The following GJA5 variants were observed in gnomAD, a reference collection of about 807,000 sequenced individuals.
GJA5 encodes the protein gap junction protein alpha 5.
GJA5 carries 3 observed loss-of-function variants against 7.9 expected under a neutral mutation model. The ratio of observed to expected loss-of-function variants is 0.38; its 90% CI spans 0.17 to 0.99. The LOEUF is 0.99. GJA5 is among the 50% of genes least tolerant of loss of function. The pLI is 0.38. For synonymous variants in GJA5, 193 were observed against 181.0 expected, an observed-to-expected ratio of 1.07 and a Z score of -0.53; for missense variants, 390 against 457.9, an observed-to-expected ratio of 0.85 and a Z score of 1.35.
chr1:147,772,392 T>C (rs791288), intron 1 of GJA5, among the ~76,000 whole-genome samples: 2,879 of 152,288 alleles, frequency 0.019, 64 homozygotes, highest in African/African-American at 0.063. Context: ...ATCACAGCCT[T>C]ACACACCGTT....
upstream of GJA5, among the ~76,000 whole-genome samples, chr1:147,761,572 G>T (rs1664019288): frequency 6.6e-6 from 1 of 152,344 alleles, no homozygotes; most frequent in South Asian, 2.1e-4. Context: ...GACCCATGCA[G>T]GTCTTGAGGC....
upstream of GJA5, among the ~76,000 whole-genome samples, chr1:147,763,307 G>A (rs2148961649): frequency 6.6e-6 from 1 of 152,372 alleles, no homozygotes; most frequent in Admixed American, 6.5e-5. Flanking sequence ...ACTTCACTGA[G>A]TGTAACTGCC....
Position 147,758,510 on chromosome 1 carries a change from C to T in GJA5, c.729G>A (p.Gln243=). Residue 243 remains glutamine (Q), a synonymous_variant, in exon 2 of 2, where the codon CAG becomes CAA. Coordinates refer to ENST00000579774, the MANE Select transcript of GJA5 (RefSeq NM_181703.4). ...KIRQRFVKPR[Q]HMAKCQLSGP... is the part of the protein sequence containing the mutation. ...CAGAAAGCTGGCACTTAGCCATGTG[C>T]TGCCGCGGTTTGACAAATCGCTGTC... The T allele has an allele frequency of 6.2e-7, 1 of 1,614,144 alleles. No homozygotes were observed. Among genetic ancestry groups the T allele is most frequent in the South Asian group, 1.1e-5 (1 of 91,084 alleles).
intron 1 of GJA5, among the ~76,000 whole-genome samples, chr1:147,766,857 C>A (rs1038357471): frequency 6.6e-6 from 1 of 152,116 alleles, no homozygotes; most frequent in South Asian, 2.1e-4. Flanking sequence ...TGGTGCAGGG[C>A]AGAGTTCATT....
At position 147,759,219 on chromosome 1, in the gene GJA5, AG is replaced by A; in HGVS notation, c.19del (p.Leu7TrpfsTer15). 1 of 1,613,836 alleles carries A rather than the reference AG, an allele frequency of 6.2e-7. No individual in the cohort carries two copies. ...GTGTACTTCCTCCAGGAAATTTCCC[AG>A]GAAGCTCCAATCGCCCATCTTGGCA... MGDWSF[L>X]GNFLEEVHKH... On this transcript the variant is annotated frameshift_variant, in exon 2 of 2. Coordinates refer to ENST00000579774, the MANE Select transcript of GJA5 (RefSeq NM_181703.4). LOFTEE classifies it high-confidence loss of function.
Position 147,758,880 on chromosome 1 carries a change from G to A in GJA5, c.359C>T (p.Ser120Phe). 6.2e-7 allele frequency: 1 copy of A among 1,614,218 alleles called. No individual in the cohort carries two copies. The highest frequency in any genetic ancestry group is 1.1e-5 in the South Asian group (1 of 91,088). ...TGCCACCGGGTACTCGTAAGAGCCAGAGCCCCGGACCTCTTTGGCCCTCTC... is the reference window on the plus strand; with the variant it reads ...TGCCACCGGGTACTCGTAAGAGCCAAAGCCCCGGACCTCTTTGGCCCTCTC... ...EAERAKEVRGSGSYEYPVAEK... is the reference protein window; with the variant it reads ...EAERAKEVRGFGSYEYPVAEK... Residue 120 changes from serine (S) to phenylalanine (F), a missense_variant, in exon 2 of 2, where the codon TCT becomes TTT. Around this residue, in one of 2 missense-constraint regions of GJA5, gnomAD observed 354 missense variants for 370.9 expected, o/e 0.95. Coordinates refer to ENST00000579774, the MANE Select transcript of GJA5 (RefSeq NM_181703.4).
intron 1 of GJA5, among the ~76,000 whole-genome samples, chr1:147,765,634 G>C (rs1664171381): frequency 6.6e-6 from 1 of 152,202 alleles, no homozygotes; most frequent in African/African-American, 2.4e-5. Flanking sequence ...ACAATGAGCA[G>C]AGCATGGAAG....
chr1:147,763,455 G>A (rs1351282893), upstream of GJA5, among the ~76,000 whole-genome samples: 2 of 152,196 alleles, frequency 1.3e-5, no homozygotes, highest in African/African-American at 2.4e-5. Context: ...TTTGGGGAGA[G>A]TCCTAGGGAA....
chr1:147,767,939 G>A (rs4950485), intron 1 of GJA5, among the ~76,000 whole-genome samples: 94,408 of 152,076 alleles, frequency 0.62, 29,817 homozygotes, highest in African/African-American at 0.75. Context: ...GTTGATTGTA[G>A]GTGACTGGTG....
At chr1:147,768,714 C>G (rs1436616272) in intron 1 of GJA5, among the ~76,000 whole-genome samples, 1 of 152,126 alleles carries the variant, frequency 6.6e-6, no homozygotes, top group Non-Finnish European at 1.5e-5. Flanking sequence ...ATGTGTGAAG[C>G]CCTTTATAAC....
Position 147,758,335 on chromosome 1 carries a change from G to C in GJA5, c.904C>G (p.Arg302Gly). 6.2e-7 allele frequency: 1 copy of C among 1,614,116 alleles called. No individual in the cohort carries two copies. Among genetic ancestry groups the C allele is most frequent in the Non-Finnish European group, 8.5e-7 (1 of 1,180,006 alleles). The change falls in exon 2 of 2, where the codon CGA (arginine) becomes GGA (glycine). Residue 302 changes from arginine to glycine, a missense_variant. Arg to Gly is a moderately radical substitution (Grantham distance 125). Around this residue, in one of 2 missense-constraint regions of GJA5, gnomAD observed 354 missense variants for 370.9 expected, o/e 0.95. Transcript: ENST00000579774. Reference sequence around the variant, plus strand: ...TCCCCAGGAGTCTGCTCCTGACCTCGTACTTGCTCGGTGACCAGGTTGTCT... The same window carrying C: ...TCCCCAGGAGTCTGCTCCTGACCTCCTACTTGCTCGGTGACCAGGTTGTCT... ...NTDNLVTEQV[R>G]GQEQTPGEGF...
chr1:147,762,038 C>T (rs1197156609), upstream of GJA5, among the ~76,000 whole-genome samples: 4 of 152,148 alleles, frequency 2.6e-5, no homozygotes, highest in African/African-American at 9.7e-5. Context: ...ACTATTAACT[C>T]ATAGAGTGCT....
chr1:147,758,335 G>A lies in GJA5; in HGVS notation c.904C>T (p.Arg302Ter), dbSNP rs372883419. 51 of 1,613,998 alleles carry A rather than the reference G, an allele frequency of 3.2e-5. No individual in the cohort carries two copies. The highest frequency in any genetic ancestry group is 3.9e-5 in the Non-Finnish European group (46 of 1,180,014). Residue 302 changes from arginine (R) to a stop codon, truncating the protein, a stop_gained, in exon 2 of 2, where the codon CGA becomes TGA. Coordinates refer to ENST00000579774, the MANE Select transcript of GJA5 (RefSeq NM_181703.4). LOFTEE classifies it high-confidence loss of function. ...TCCCCAGGAGTCTGCTCCTGACCTCGTACTTGCTCGGTGACCAGGTTGTCT... is the reference window on the plus strand; with the variant it reads ...TCCCCAGGAGTCTGCTCCTGACCTCATACTTGCTCGGTGACCAGGTTGTCT... ...NTDNLVTEQV[R>*]GQEQTPGEGF...
Position 147,758,379 on chromosome 1 carries a change from A to G in GJA5, c.860T>C (p.Met287Thr). The G allele has an allele frequency of 6.2e-7, 1 of 1,614,120 alleles. No individual in the cohort carries two copies. The highest frequency in any genetic ancestry group is 8.5e-7 in the Non-Finnish European group (1 of 1,180,002). ...GTTGTCTGTGTTTTGTTGGGAGGCC[A>G]TATTATTGCTGAAGGGATTGAAGAA... Reference protein sequence around the residue: ...GKFFNPFSNNMASQQNTDNLV... With the variant: ...GKFFNPFSNNTASQQNTDNLV... Residue 287 changes from methionine to threonine, a missense_variant, in exon 2 of 2, where the codon ATG becomes ACG. Around this residue, in one of 2 missense-constraint regions of GJA5, gnomAD observed 354 missense variants for 370.9 expected, o/e 0.95. Coordinates refer to ENST00000579774, the MANE Select transcript of GJA5 (RefSeq NM_181703.4).
upstream of GJA5, among the ~76,000 whole-genome samples, chr1:147,764,348 G>C (rs1432181614): frequency 6.6e-6 from 1 of 152,122 alleles, no homozygotes; most frequent in Non-Finnish European, 1.5e-5. Context: ...CAGCATGGAG[G>C]ATACATCCTC....
At chr1:147,760,011 T>G (rs1553227210) in intron 1 of GJA5, among the ~76,000 whole-genome samples, 1 of 151,900 alleles carries the variant, frequency 6.6e-6, no homozygotes, top group African/African-American at 2.4e-5. Flanking sequence ...TGTTGGGAGG[T>G]GGCAAACAAA....
intron 1 of GJA5, among the ~76,000 whole-genome samples, chr1:147,772,477 A>G (rs1208846670): frequency 6.6e-6 from 1 of 152,186 alleles, no homozygotes; most frequent in Non-Finnish European, 1.5e-5. Flanking sequence ...GAGGCCCAGC[A>G]TGGGGATGTG....
upstream of GJA5, among the ~76,000 whole-genome samples, chr1:147,764,306 T>A (rs1553227808): frequency 1.3e-5 from 2 of 152,228 alleles, no homozygotes; most frequent in African/African-American, 4.8e-5. Flanking sequence ...AGACTGAGCA[T>A]CTGGTACATG....
At chr1:147,762,268 A>AG (rs1553227540), upstream of GJA5, among the ~76,000 whole-genome samples, 2 of 151,582 alleles carry the variant, frequency 1.3e-5, no homozygotes, top group Admixed American at 6.6e-5. Context: ...AAATAGAAAA[A>AG]AAAAGAAACA....
Sources: gnomAD v4.1 joint callset for allele counts (sites outside exome capture counted in the v4.1 genomes callset) on GRCh38, gnomAD v4.1.1 for gene constraint, gnomAD v4.1.1 regional missense constraint, MANE v1.5 for transcripts, NCBI Gene and HGNC (gene_info 2026-07-23, HGNC 2026-07-21) for gene names.